VPS8: variants seen among roughly 807,000 people sequenced by gnomAD.
VPS8 encodes VPS8 subunit of CORVET complex.
In VPS8, 129 loss-of-function variants were observed where a neutral mutation model predicts 216.4. The observed-to-expected ratio is 0.60, with a 90% CI of 0.52 to 0.69. The LOEUF (loss-of-function observed/expected upper bound fraction) is 0.69, where lower values mean the gene tolerates loss of function less well. VPS8 is among the 30% of genes least tolerant of loss of function. VPS8 has a pLI of 0.00. For synonymous variants in VPS8, 571 were observed against 565.4 expected (o/e 1.01, Z -0.14); for missense variants, 1,531 against 1,683.5 (o/e 0.91, Z 1.59).
chr3:184,849,678 A>G (rs959165948), intron 9 of VPS8: 31 of 456,674 alleles, frequency 6.8e-5, no homozygotes, highest in South Asian at 6.5e-4. Context: ...TTAGAGAAAT[A>G]TCTTTTGTCT....
At chr3:184,933,210 A>G (rs1740993375) in intron 34 of VPS8, among the ~76,000 whole-genome samples, 2 of 152,184 alleles carry the variant, frequency 1.3e-5, no homozygotes, top group Admixed American at 1.3e-4. Context: ...GAGAGTTCCT[A>G]TGGACTCTAT....
Position 184,929,671 on chromosome 3 carries a change from CA to C in VPS8, c.2799+9del. 6.9e-7 allele frequency: 1 copy of C among 1,445,680 alleles called. No individual in the cohort carries two copies. Among genetic ancestry groups the C allele is most frequent in the Non-Finnish European group, 9.3e-7 (1 of 1,075,072 alleles). The allele number at this position is 1,445,680 out of a possible 1,614,324, so 89.6% of individuals were successfully genotyped here. A position where few individuals can be genotyped will look rare whatever the true frequency, so the allele number is the denominator to read the frequency against. ...ACGTGACCCTCTGCGAGAGGTGAGT[CA>C]AGATACTGCTTTACTCTTTTTTCTT... On this transcript the variant is annotated splice_region_variant and intron_variant, in intron 33 of 47. Coordinates refer to ENST00000625842, the MANE Select transcript of VPS8 (RefSeq NM_001009921.3).
At chr3:184,942,611 A>G (rs1433047935) in intron 36 of VPS8, among the ~76,000 whole-genome samples, 1 of 152,160 alleles carries the variant, frequency 6.6e-6, no homozygotes, top group African/African-American at 2.4e-5. Context: ...TCATGTTTGT[A>G]TTGATCTGCC....
At chr3:184,842,186 CAAAAA>C (rs71162267) in intron 7 of VPS8, among the ~76,000 whole-genome samples, 21 of 48,992 alleles carry the variant, frequency 4.3e-4, no homozygotes, top group Admixed American at 2.6e-3. Context: ...GACTCCGTCT[CAAAAA>C]AAAAAAAAAA....
At chr3:184,844,411 ACT>A (rs1722728278) in intron 8 of VPS8, among the ~76,000 whole-genome samples, 1 of 151,834 alleles carries the variant, frequency 6.6e-6, no homozygotes, top group Non-Finnish European at 1.5e-5. Context: ...ACAGAGTGAG[ACT>A]CTGTCAAAAA....
In VPS8 at chr3:184,940,199, C is replaced by G; in HGVS notation, c.2991C>G (p.Asn997Lys). 1 of 1,494,678 alleles carries G rather than the reference C, an allele frequency of 6.7e-7. No individual in the cohort carries two copies. Among genetic ancestry groups the G allele is most frequent in the Non-Finnish European group, 9.0e-7 (1 of 1,114,966 alleles). 92.6% of individuals were successfully genotyped at this position (1,494,678 alleles called of 1,614,324 possible). Residue 997 changes from asparagine to lysine, a missense_variant and splice_region_variant, in exon 36 of 48, where the codon AAC (asparagine) becomes AAG (lysine). Coordinates refer to ENST00000625842, the MANE Select transcript of VPS8 (RefSeq NM_001009921.3). ...HIETVIKKLQNQVLLFKFLRS... is the reference protein window; with the variant it reads ...HIETVIKKLQKQVLLFKFLRS... ...ATTTTTATTGTTTTTCTGTTCAGAA[C>G]CAGGTTTTGCTTTTCAAATTTTTGA...
At chr3:184,965,561 C>T (rs1379405421) in intron 38 of VPS8, among the ~76,000 whole-genome samples, 1 of 152,172 alleles carries the variant, frequency 6.6e-6, no homozygotes, top group African/African-American at 2.4e-5. Flanking sequence ...AATATATAGG[C>T]AGGTCAGGCG....
chr3:184,854,076 T>C (rs1388587182), intron 12 of VPS8, 38 bp from the exon 13 acceptor site: 1 of 1,612,814 alleles, frequency 6.2e-7, no homozygotes, highest in Non-Finnish European at 8.5e-7. Context: ...ATTTGAAAAT[T>C]CCAAGGTCAA....
intron 45 of VPS8, among the ~76,000 whole-genome samples, chr3:185,008,103 C>T (rs1029277010): frequency 6.6e-6 from 1 of 151,926 alleles, no homozygotes; most frequent in Non-Finnish European, 1.5e-5. Context: ...CAGTGTTCAG[C>T]AGTAGTGCCA....
chr3:185,032,357 CATAA>C (rs1758295830), intron 46 of VPS8, among the ~76,000 whole-genome samples: 1 of 152,064 alleles, frequency 6.6e-6, no homozygotes. Flanking sequence ...ACGCTCCAAC[CATAA>C]GATCTGCAAG....
intron 14 of VPS8, among the ~76,000 whole-genome samples, chr3:184,857,819 CTGAG>C (rs1725543604): frequency 6.6e-6 from 1 of 152,092 alleles, no homozygotes; most frequent in South Asian, 2.1e-4. Flanking sequence ...TCTCGGGAAA[CTGAG>C]AAAGAGTAGG....
At chr3:184,965,562 AG>A (rs1471763829) in intron 38 of VPS8, among the ~76,000 whole-genome samples, 1 of 152,248 alleles carries the variant, frequency 6.6e-6, no homozygotes, top group Non-Finnish European at 1.5e-5. Flanking sequence ...ATATATAGGC[AG>A]GTCAGGCGAG....
chr3:184,977,877 C>G (rs921732274), intron 40 of VPS8, among the ~76,000 whole-genome samples: 1 of 61,780 alleles, frequency 1.6e-5, no homozygotes, highest in Non-Finnish European at 3.8e-5. Flanking sequence ...CTGATGTTTT[C>G]TTTTTTCTTT....
intron 46 of VPS8, among the ~76,000 whole-genome samples, chr3:185,048,254 A>C (rs1026809072): frequency 6.6e-6 from 1 of 152,234 alleles, no homozygotes; most frequent in African/African-American, 2.4e-5. Context: ...CCATTGGGAA[A>C]AGGGTCCACA....
intron 29 of VPS8, 121 bp from the exon 30 acceptor site, chr3:184,924,741 C>A: frequency 7.9e-7 from 1 of 1,267,410 alleles, no homozygotes; most frequent in Non-Finnish European, 1.1e-6. Context: ...GTTGCACAGT[C>A]AATAAAAGAA....
At chr3:184,985,269 A>G (rs769826042) in intron 42 of VPS8, among the ~76,000 whole-genome samples, 21 of 152,222 alleles carry the variant, frequency 1.4e-4, no homozygotes, top group Non-Finnish European at 2.1e-4. Context: ...TTAGCCTATC[A>G]TTAGCAGCAG....
intron 45 of VPS8, among the ~76,000 whole-genome samples, chr3:185,010,795 A>C (rs1288601880): frequency 6.6e-6 from 1 of 152,184 alleles, no homozygotes; most frequent in East Asian, 1.9e-4. Flanking sequence ...TGAGCCCAAA[A>C]GTTTTAGACC....
chr3:184,936,047 A>AT (rs552287990), intron 34 of VPS8, among the ~76,000 whole-genome samples, 199 bp from the exon 35 acceptor site: 52 of 148,162 alleles, frequency 3.5e-4, no homozygotes, highest in African/African-American at 5.2e-4. Context: ...TGAAATTTTG[A>AT]TTTTTTTTTT....
intron 39 of VPS8, among the ~76,000 whole-genome samples, chr3:184,970,054 G>A (rs1748152936): frequency 6.7e-6 from 1 of 150,180 alleles, no homozygotes. Flanking sequence ...GGTGTTACAG[G>A]CACCAGCCAC....
Sources: gnomAD v4.1 joint callset for allele counts (sites outside exome capture counted in the v4.1 genomes callset) on GRCh38, gnomAD v4.1.1 for gene constraint, MANE v1.5 for transcripts, NCBI Gene and HGNC (gene_info 2026-07-23, HGNC 2026-07-21) for gene names.